The following GLI2 variants were observed in gnomAD, a reference collection of about 807,000 sequenced individuals.
The protein encoded by GLI2 is GLI family zinc finger 2, also known as transcription activator GLI2.
A neutral mutation model predicts 78.9 loss-of-function variants in GLI2; 22 were observed. The observed-to-expected ratio is 0.28, with a 90% CI of 0.20 to 0.40. The LOEUF (loss-of-function observed/expected upper bound fraction) is 0.40, where lower values mean the gene tolerates loss of function less well. Ranked by LOEUF, GLI2 falls within the 10% of genes least tolerant of loss-of-function variation. GLI2 has a pLI of 1.00. For synonymous variants in GLI2, 974 were observed against 963.7 expected (o/e 1.01, Z -0.20); for missense variants, 2,097 against 2,213.2 (o/e 0.95, Z 1.05).
intron 2 of GLI2, among the ~76,000 whole-genome samples, chr2:120,850,545 A>G (rs1687354578): frequency 6.6e-6 from 1 of 152,194 alleles, no homozygotes; most frequent in Non-Finnish European, 1.5e-5. Flanking sequence ...TTTGGCCTTT[A>G]CTTAAGGATT....
At chr2:120,926,901 C>T (rs748275598) in intron 2 of GLI2, among the ~76,000 whole-genome samples, 3 of 152,252 alleles carry the variant, frequency 2.0e-5, no homozygotes, top group Non-Finnish European at 2.9e-5. Context: ...CGTCTGTGGG[C>T]CGTGCCATCA....
intron 2 of GLI2, among the ~76,000 whole-genome samples, chr2:120,878,701 A>G (rs535046321): frequency 2.6e-5 from 4 of 152,118 alleles, no homozygotes; most frequent in Admixed American, 6.6e-5. Context: ...TTGGGAGGCC[A>G]AGGCAGGCGG....
At chr2:120,861,039 G>A (rs956865690) in intron 2 of GLI2, among the ~76,000 whole-genome samples, 13 of 152,196 alleles carry the variant, frequency 8.5e-5, no homozygotes, top group African/African-American at 3.1e-4. Context: ...TTAAAATCCT[G>A]AAGCCCTAGA....
At chr2:120,935,112 G>A (rs1457088959) in intron 3 of GLI2, among the ~76,000 whole-genome samples, 3 of 152,196 alleles carry the variant, frequency 2.0e-5, no homozygotes, top group Non-Finnish European at 4.4e-5. Flanking sequence ...TCCTCCCTCT[G>A]CAAACATGCT....
intron 8 of GLI2, among the ~76,000 whole-genome samples, chr2:120,974,221 G>T (rs576377218): frequency 1.5e-4 from 23 of 152,020 alleles, no homozygotes; most frequent in Non-Finnish European, 2.8e-4. Context: ...TGGACTTTCC[G>T]TCCCTACCTG....
At chr2:120,953,371 C>T (rs1681086963) in intron 4 of GLI2, among the ~76,000 whole-genome samples, 1 of 152,226 alleles carries the variant, frequency 6.6e-6, no homozygotes, top group South Asian at 2.1e-4. Flanking sequence ...AACCATCTTC[C>T]CCTTGAGCCT....
At chr2:120,827,568 G>A (rs1309495659) in intron 2 of GLI2, among the ~76,000 whole-genome samples, 1 of 152,216 alleles carries the variant, frequency 6.6e-6, no homozygotes, top group African/African-American at 2.4e-5. Flanking sequence ...GTAGGGTCCT[G>A]AAGAGATATT....
intron 2 of GLI2, among the ~76,000 whole-genome samples, chr2:120,879,906 G>A (rs1573527499): frequency 6.6e-6 from 1 of 152,176 alleles, no homozygotes; most frequent in Admixed American, 6.5e-5. Context: ...AGCCTCCACG[G>A]CCAGCCATAT....
intron 3 of GLI2, among the ~76,000 whole-genome samples, chr2:120,943,213 G>A (rs1372169074): frequency 6.6e-6 from 1 of 152,182 alleles, no homozygotes; most frequent in Non-Finnish European, 1.5e-5. Context: ...CCTTGACCTG[G>A]GGCTAGGGGG....
In GLI2 at chr2:120,990,917, C is replaced by A; in HGVS notation, c.*242C>A. The A allele has an allele frequency of 5.5e-6, 3 of 548,298 alleles. No homozygotes were observed. Among genetic ancestry groups the A allele is most frequent in the Non-Finnish European group, 9.7e-6 (3 of 309,176 alleles). 34.0% of individuals were successfully genotyped at this position (548,298 alleles called of 1,614,324 possible). On this transcript the variant is annotated 3_prime_UTR_variant, in exon 14 of 14. Transcript: ENST00000361492. ...ATAGGACAGGAAGGAATGCAAAACT[C>A]ATTTACACAGTGCTTTCCAGCCTTT...
At chr2:120,750,701 G>A (rs528920370) in intron 1 of GLI2, among the ~76,000 whole-genome samples, 9 of 152,226 alleles carry the variant, frequency 5.9e-5, no homozygotes, top group Non-Finnish European at 1.3e-4. Flanking sequence ...CGCGCTGCTG[G>A]TTTACACCAT....
chr2:120,787,160 T>G (rs917157092), intron 1 of GLI2, among the ~76,000 whole-genome samples: 1 of 150,476 alleles, frequency 6.6e-6, no homozygotes, highest in East Asian at 2.0e-4. Flanking sequence ...TCTGAGGGGG[T>G]GTCATAGTGG....
chr2:120,753,147 G>T (rs961560238), intron 1 of GLI2, among the ~76,000 whole-genome samples: 7 of 149,264 alleles, frequency 4.7e-5, no homozygotes, highest in African/African-American at 1.7e-4. Flanking sequence ...CAGTCTGGAG[G>T]GTGCAGTGGC....
At chr2:120,868,474 C>T (rs1181581839) in intron 2 of GLI2, among the ~76,000 whole-genome samples, 1 of 152,206 alleles carries the variant, frequency 6.6e-6, no homozygotes, top group Non-Finnish European at 1.5e-5. Flanking sequence ...GCCTTCTGGG[C>T]CCCAGAGGTC....
chr2:120,769,058 T>A (rs1051751066), intron 1 of GLI2, among the ~76,000 whole-genome samples: 1 of 152,062 alleles, frequency 6.6e-6, no homozygotes, highest in Non-Finnish European at 1.5e-5. Flanking sequence ...TTGACAAGGG[T>A]CCTCATTTGA....
At chr2:120,812,805 G>A (rs926637500) in intron 2 of GLI2, among the ~76,000 whole-genome samples, 7 of 152,144 alleles carry the variant, frequency 4.6e-5, no homozygotes, top group Non-Finnish European at 1.0e-4. Context: ...TGAACCTCTG[G>A]TGCTGGCCCA....
In GLI2 at chr2:120,963,514, G is replaced by A. The variant is rs141350603; in HGVS notation, c.644-5200G>A. ...CACCTGGGGTGTGTGTCTCCACCTG[G>A]GGTGTGTGTGTATGTGTCCACCTGG... is the stretch of plus-strand genomic sequence containing the variant. On this transcript the variant is annotated intron_variant, in intron 5 of 13. Coordinates refer to ENST00000361492, the MANE Select transcript of GLI2 (RefSeq NM_001374353.1). 4.1e-3 allele frequency among the ~76,000 whole-genome samples: 621 copies of A among 152,200 alleles called. 13 individuals carry two copies. Among genetic ancestry groups the A allele is most frequent in the East Asian group, 0.017 (90 of 5,160 alleles).
chr2:120,754,938 C>T (rs114683087), intron 1 of GLI2, among the ~76,000 whole-genome samples: 2,473 of 151,860 alleles, frequency 0.016, 58 homozygotes, highest in African/African-American at 0.054. Context: ...CTGCAGTCTC[C>T]GCCTCCGGGT....
intron 3 of GLI2, among the ~76,000 whole-genome samples, chr2:120,948,737 C>T (rs555655320): frequency 2.0e-5 from 3 of 152,288 alleles, no homozygotes; most frequent in African/African-American, 7.2e-5. Context: ...CTGTGGTTGG[C>T]ACACCCCACA....
Sources: allele counts gnomAD v4.1 joint callset (sites outside exome capture counted in the v4.1 genomes callset), GRCh38; gene constraint gnomAD v4.1.1; transcripts MANE v1.5; gene names NCBI Gene and HGNC (gene_info 2026-07-23, HGNC 2026-07-21).